Variants in IGSF5 observed in about 807,000 individuals in gnomAD.
IGSF5 encodes the protein immunoglobulin superfamily 5 like.
IGSF5 carries 41 observed loss-of-function variants against 39.4 expected under a neutral mutation model. That is an observed-to-expected ratio of 1.04 (90% CI 0.81 to 1.35). The LOEUF (loss-of-function observed/expected upper bound fraction) is 1.35. Ranked by LOEUF, IGSF5 falls within the 40% of genes most tolerant of loss-of-function variation. The pLI, the probability that IGSF5 is intolerant of heterozygous loss-of-function variation, is 0.00. For missense variants in IGSF5, 487 were observed against 494.6 expected (o/e 0.98, Z 0.15); for synonymous variants, 183 against 175.3 (o/e 1.04, Z -0.34).
At chr21:39,768,941 A>G (rs2080100145) in intron 3 of IGSF5, among the ~76,000 whole-genome samples, 6 of 152,080 alleles carry the variant, frequency 3.9e-5, no homozygotes. Context: ...TTTTCATAAT[A>G]ATATGAAGAT....
At chr21:39,747,872 A>C (rs2079983637) in intron 2 of IGSF5, among the ~76,000 whole-genome samples, 2 of 152,148 alleles carry the variant, frequency 1.3e-5, no homozygotes, top group Non-Finnish European at 2.9e-5. Flanking sequence ...AGGACAAGGC[A>C]ACTCTGGAAA....
intron 2 of IGSF5, among the ~76,000 whole-genome samples, chr21:39,751,871 G>C (rs371971666): frequency 6.6e-6 from 1 of 152,138 alleles, no homozygotes; most frequent in Non-Finnish European, 1.5e-5. Flanking sequence ...TGAGAAGGCC[G>C]ACCCTGAATG....
chr21:39,751,297 T>C (rs972403671), intron 2 of IGSF5: 1 of 152,236 alleles, frequency 6.6e-6, no homozygotes, highest in African/African-American at 2.4e-5. Flanking sequence ...GCACCCTTGC[T>C]GAAGCCCTCC....
intron 5 of IGSF5, among the ~76,000 whole-genome samples, chr21:39,782,254 G>A (rs2080174631): frequency 6.6e-6 from 1 of 152,116 alleles, no homozygotes; most frequent in African/African-American, 2.4e-5. Context: ...ATGTTTTAAT[G>A]TCTCCTTGGG....
chr21:39,755,309 T>A (rs4995787), intron 2 of IGSF5, among the ~76,000 whole-genome samples: 9 of 152,182 alleles, frequency 5.9e-5, no homozygotes, highest in Middle Eastern at 6.8e-3. Flanking sequence ...AATGATGACC[T>A]GGTGCGGTGG....
chr21:39,769,542 A>G (rs547860229), intron 3 of IGSF5, among the ~76,000 whole-genome samples: 1 of 152,130 alleles, frequency 6.6e-6, no homozygotes, highest in African/African-American at 2.4e-5. Flanking sequence ...AATTATCTGA[A>G]AAAGCTATTA....
chr21:39,794,920 A>G (rs2146295539), intron 8 of IGSF5, among the ~76,000 whole-genome samples: 1 of 152,250 alleles, frequency 6.6e-6, no homozygotes, highest in East Asian at 1.9e-4. Flanking sequence ...AGTAACCTAC[A>G]TCTTGCCAGT....
chr21:39,733,378 A>G, the IGSF5 span, among the ~76,000 whole-genome samples: 1 of 152,190 alleles, frequency 6.6e-6, no homozygotes, highest in South Asian at 2.1e-4. Flanking sequence ...TACAAATTAT[A>G]TTCTACTATA....
chr21:39,740,799 G>A (rs193187228), upstream of IGSF5, among the ~76,000 whole-genome samples: 68 of 152,310 alleles, frequency 4.5e-4, 1 homozygote, highest in African/African-American at 1.1e-3. Flanking sequence ...GTGCACAGTC[G>A]CAGCATTGGC....
chr21:39,763,729 C>T (rs532162735), intron 2 of IGSF5, among the ~76,000 whole-genome samples: 23 of 152,264 alleles, frequency 1.5e-4, no homozygotes, highest in African/African-American at 4.8e-4. Flanking sequence ...GCCATTGACC[C>T]GAGGTGGGAG....
intron 2 of IGSF5, among the ~76,000 whole-genome samples, chr21:39,753,659 T>G (rs773933443): frequency 1.1e-4 from 16 of 152,212 alleles, no homozygotes; most frequent in South Asian, 2.1e-4. Flanking sequence ...GGGTGCTCCA[T>G]TGTTAGGTGC....
At position 39,750,480 on chromosome 21, in the gene IGSF5, C is replaced by A. The variant is rs796368921; in HGVS notation, c.100+4182C>A. Among the ~76,000 whole-genome samples the A allele has an allele frequency of 9.8e-5, 14 of 142,608 alleles. 1 individual carries two copies. The highest frequency in any genetic ancestry group is 3.6e-4 in the African/African-American group (14 of 38,808). The allele number at this position is 142,608 out of a possible 152,430, so 93.6% of individuals were successfully genotyped here. ...CTATGATCGTGCCACTGCACTCCAG[C>A]CTGGGTAACAGAGCAAGACACTGTC... On this transcript the variant is annotated intron_variant, in intron 2 of 8. Transcript: ENST00000380588.
chr21:39,768,111 A>T (rs1414058425), intron 3 of IGSF5, among the ~76,000 whole-genome samples: 1 of 152,218 alleles, frequency 6.6e-6, no homozygotes, highest in Non-Finnish European at 1.5e-5. Context: ...TTTAATACAG[A>T]TGAAAGAGCA....
the IGSF5 span, among the ~76,000 whole-genome samples, chr21:39,715,933 TA>T: frequency 6.6e-6 from 1 of 152,172 alleles, no homozygotes; most frequent in Admixed American, 6.5e-5. Context: ...GGGATGTTAT[TA>T]AAGTAAAATT....
intron 8 of IGSF5, among the ~76,000 whole-genome samples, chr21:39,795,894 A>T: frequency 6.6e-6 from 1 of 152,264 alleles, no homozygotes; most frequent in South Asian, 2.1e-4. Context: ...AAGTTGAATT[A>T]TCTTTGTCTG....
At chr21:39,754,124 C>T (rs1014416955) in intron 2 of IGSF5, among the ~76,000 whole-genome samples, 3 of 152,160 alleles carry the variant, frequency 2.0e-5, no homozygotes, top group Non-Finnish European at 2.9e-5. Flanking sequence ...TATTTGGGTG[C>T]ATATCAAACT....
intron 5 of IGSF5, among the ~76,000 whole-genome samples, chr21:39,782,430 T>C (rs1029240261): frequency 2.0e-5 from 3 of 152,224 alleles, no homozygotes; most frequent in Non-Finnish European, 4.4e-5. Flanking sequence ...ATTTACACTT[T>C]TATGCAACCA....
intron 8 of IGSF5, 141 bp downstream of exon 8, chr21:39,793,754 G>C: frequency 1.5e-6 from 1 of 671,110 alleles, no homozygotes; most frequent in Non-Finnish European, 2.6e-6. Context: ...ATATCAGCTG[G>C]TCAGCATGGA....
upstream of IGSF5, among the ~76,000 whole-genome samples, chr21:39,743,114 T>C (rs1199908792): frequency 6.6e-6 from 1 of 152,216 alleles, no homozygotes; most frequent in Non-Finnish European, 1.5e-5. Context: ...TTAGTCCTTC[T>C]AGCACACACG....
Sources: gnomAD v4.1 joint callset for allele counts (sites outside exome capture counted in the v4.1 genomes callset) on GRCh38, gnomAD v4.1.1 for gene constraint, MANE v1.5 for transcripts, NCBI Gene and HGNC (gene_info 2026-07-23, HGNC 2026-07-21) for gene names.